ERBB4: variants seen among roughly 807,000 people sequenced by gnomAD.
ERBB4 encodes the protein erb-b2 receptor tyrosine kinase 4, also known as receptor tyrosine-protein kinase erbB-4.
Under a neutral mutation model 158.0 loss-of-function variants are expected in ERBB4, and 42 were observed. The observed-to-expected ratio is 0.27, with a 90% CI of 0.21 to 0.34. The LOEUF (loss-of-function observed/expected upper bound fraction) is 0.34, where lower values mean the gene tolerates loss of function less well. Ranked by LOEUF, ERBB4 falls within the 10% of genes least tolerant of loss-of-function variation. The pLI, the probability that ERBB4 is intolerant of heterozygous loss-of-function variation, is 1.00. For synonymous variants in ERBB4, 583 were observed against 558.7 expected, an observed-to-expected ratio of 1.04 and a Z score of -0.61; for missense variants, 1,333 against 1,624.1, an observed-to-expected ratio of 0.82 and a Z score of 3.08.
chr2:211,805,166 G>A lies in ERBB4; in HGVS notation c.422-17007C>T, dbSNP rs1019859463. Among the ~76,000 whole-genome samples, 14 of 152,258 alleles carry A rather than the reference G, an allele frequency of 9.2e-5. No individual in the cohort carries two copies. The East Asian group carries it at 1.4e-3, about 15-fold the overall frequency. On this transcript the variant is annotated intron_variant, in intron 3 of 27. Transcript: ENST00000342788. ...ACTCCTGACTTCAAGTGACCCATCCGCCTGTGCCTCCCAAAGTGCTAAAGT... is the reference window on the plus strand; with the variant it reads ...ACTCCTGACTTCAAGTGACCCATCCACCTGTGCCTCCCAAAGTGCTAAAGT...
intron 1 of ERBB4, chr2:212,429,072 G>C (rs1339105548): frequency 6.6e-6 from 1 of 152,240 alleles, no homozygotes; most frequent in South Asian, 2.1e-4. Flanking sequence ...GCAGGAATGA[G>C]AGCAGTTTAT....
rs2076485549 is a variant in ERBB4 at position 212,015,044 on chromosome 2, ATATATATATATATATATATATAT to A, written c.235-67451_235-67429del. Among the ~76,000 whole-genome samples the A allele has an allele frequency of 2.2e-3, 9 of 4,114 alleles. 1 individual carries two copies. The highest frequency in any genetic ancestry group is 6.0e-3 in the African/African-American group (9 of 1,490). 2.7% of individuals were successfully genotyped at this position (4,114 alleles called of 152,430 possible). Reference sequence around the variant, plus strand: ...CGTCTCTACTAAAAAAAAAAAAAATATATATATATATATATATATATATATATATATATATATATATATATATA... The same window carrying A: ...CGTCTCTACTAAAAAAAAAAAAAATAATATATATATATATATATATATATA... On this transcript the variant is annotated intron_variant, in intron 2 of 27. Coordinates refer to ENST00000342788, the MANE Select transcript of ERBB4 (RefSeq NM_005235.3).
chr2:211,944,185 A>ATATATAC (rs1263939431), intron 3 of ERBB4, among the ~76,000 whole-genome samples: 2 of 45,514 alleles, frequency 4.4e-5, no homozygotes, highest in African/African-American at 2.4e-4. Flanking sequence ...TACTATATAT[A>ATATATAC]TATATATATA....
chr2:211,456,205 T>G (rs2064377585), intron 20 of ERBB4, among the ~76,000 whole-genome samples: 2 of 152,196 alleles, frequency 1.3e-5, no homozygotes, highest in African/African-American at 4.8e-5. Context: ...AGATTTGAAG[T>G]GAGAAATGAA....
At position 212,520,952 on chromosome 2, in the gene ERBB4, A is replaced by G. The variant is rs538442898; in HGVS notation, c.82+17497T>C. Among the ~76,000 whole-genome samples the G allele has an allele frequency of 2.0e-5, 3 of 152,072 alleles. No individual in the cohort carries two copies. The South Asian group carries it at 6.2e-4, about 32-fold the overall frequency. On this transcript the variant is annotated intron_variant, in intron 1 of 27. Coordinates refer to ENST00000342788, the MANE Select transcript of ERBB4 (RefSeq NM_005235.3). ...TCCTTAATAAATGTGAAAAACTGTAATATAGGGAAAGCACTTAATAATCAC... is the reference window on the plus strand; with the variant it reads ...TCCTTAATAAATGTGAAAAACTGTAGTATAGGGAAAGCACTTAATAATCAC...
intron 20 of ERBB4, among the ~76,000 whole-genome samples, chr2:211,497,040 A>G (rs951572853): frequency 1.1e-4 from 16 of 152,100 alleles, no homozygotes; most frequent in African/African-American, 3.6e-4. Flanking sequence ...TGTCCCTAGC[A>G]CCTAGAATAG....
intron 2 of ERBB4, among the ~76,000 whole-genome samples, chr2:212,116,836 A>G (rs1486378404): frequency 6.6e-6 from 1 of 152,290 alleles, no homozygotes; most frequent in South Asian, 2.1e-4. Flanking sequence ...GACCTTTTTT[A>G]TCCTTTGATT....
intron 3 of ERBB4, among the ~76,000 whole-genome samples, chr2:211,791,981 A>G (rs2076288414): frequency 6.6e-6 from 1 of 151,722 alleles, no homozygotes; most frequent in South Asian, 2.1e-4. Flanking sequence ...TAGCTGAGAT[A>G]TAATTAGACT....
chr2:212,363,469 T>C (rs1375659093), intron 1 of ERBB4, among the ~76,000 whole-genome samples: 1 of 151,462 alleles, frequency 6.6e-6, no homozygotes, highest in Non-Finnish European at 1.5e-5. Flanking sequence ...GCTATTATAA[T>C]CATCATTACA....
At chr2:211,770,482 C>T (rs187807432) in intron 4 of ERBB4, among the ~76,000 whole-genome samples, 34 of 152,234 alleles carry the variant, frequency 2.2e-4, no homozygotes, top group East Asian at 5.8e-4. Flanking sequence ...TATGTTTGAA[C>T]GGTGTGAAAA....
In ERBB4 at chr2:211,657,778, T is replaced by A; in HGVS notation, c.1922A>T (p.His641Leu). The A allele has an allele frequency of 6.2e-7, 1 of 1,613,956 alleles. No homozygotes were observed. The highest frequency in any genetic ancestry group is 1.1e-5 in the South Asian group (1 of 91,080). Residue 641 changes from histidine (H) to leucine (L), a missense_variant, in exon 16 of 28, where the codon CAT (histidine) becomes CTT (leucine). Physicochemically the swap from His to Leu is moderately conservative, Grantham distance 99. This residue lies in a region of ERBB4 where 245 missense variants were observed against 247.5 expected (regional missense o/e 0.99). Transcript: ENST00000342788. ...CCTAGCATGTTGTGGTAAAGTGGAA[T>A]GGCCCGTCCATGGGTAGTAAATGCA... ...HDCIYYPWTG[H>L]STLPQHARTP... is the part of the protein sequence containing the mutation.
intron 1 of ERBB4, among the ~76,000 whole-genome samples, chr2:212,230,199 T>C (rs1008749909): frequency 1.3e-5 from 2 of 151,934 alleles, no homozygotes; most frequent in African/African-American, 4.8e-5. Context: ...GCAGGAGAAT[T>C]GCTTGAACCT....
chr2:211,450,781 C>A (rs2064226625), intron 20 of ERBB4, among the ~76,000 whole-genome samples: 1 of 152,058 alleles, frequency 6.6e-6, no homozygotes, highest in African/African-American at 2.4e-5. Flanking sequence ...TAAACCCTTA[C>A]CCTGCTTTAT....
intron 1 of ERBB4, among the ~76,000 whole-genome samples, chr2:212,309,563 A>C (rs534277494): frequency 2.7e-5 from 4 of 150,846 alleles, no homozygotes; most frequent in Admixed American, 6.6e-5. Context: ...CAGGCACTCA[A>C]TCAGTATTTG....
chr2:211,422,939 A>C (rs1464943325), intron 23 of ERBB4, among the ~76,000 whole-genome samples: 1 of 151,930 alleles, frequency 6.6e-6, no homozygotes, highest in African/African-American at 2.4e-5. Context: ...TAATAGAATA[A>C]GGCTGTAAAG....
intron 1 of ERBB4, among the ~76,000 whole-genome samples, chr2:212,463,315 G>A (rs1164759901): frequency 1.3e-5 from 2 of 152,008 alleles, no homozygotes; most frequent in East Asian, 3.8e-4. Flanking sequence ...AATTATCCTG[G>A]TTTGATCACT....
At chr2:211,576,094 A>G (rs953099428) in intron 19 of ERBB4, among the ~76,000 whole-genome samples, 9 of 60,164 alleles carry the variant, frequency 1.5e-4, no homozygotes, top group Non-Finnish European at 4.4e-4. Context: ...AATGTTATTT[A>G]TTATTTTATA....
intron 1 of ERBB4, among the ~76,000 whole-genome samples, chr2:212,155,562 T>A (rs951680701): frequency 2.6e-5 from 4 of 152,018 alleles, no homozygotes; most frequent in African/African-American, 9.7e-5. Flanking sequence ...TTTAACAAGT[T>A]CTCCAAATAA....
chr2:212,082,490 A>T (rs1360843085), intron 2 of ERBB4, among the ~76,000 whole-genome samples: 27 of 152,108 alleles, frequency 1.8e-4, no homozygotes. Flanking sequence ...ACTTTGGCAC[A>T]GTAAAATGGC....
Sources: gnomAD v4.1 joint callset for allele counts (sites outside exome capture counted in the v4.1 genomes callset) on GRCh38, gnomAD v4.1.1 for gene constraint, gnomAD v4.1.1 regional missense constraint, MANE v1.5 for transcripts, NCBI Gene and HGNC (gene_info 2026-07-23, HGNC 2026-07-21) for gene names.